MTUS1: variants seen among roughly 807,000 people sequenced by gnomAD.
MTUS1 encodes microtubule-associated tumor suppressor 1.
Under a neutral mutation model 120.8 loss-of-function variants are expected in MTUS1, and 109 were observed. That is an observed-to-expected ratio of 0.90 (90% CI 0.77 to 1.06). The LOEUF (loss-of-function observed/expected upper bound fraction) is 1.06, where lower values mean the gene tolerates loss of function less well. Among genes scored for constraint, MTUS1 ranks in the 50% least tolerant of loss-of-function variants. The pLI is 0.00. For synonymous variants in MTUS1, 737 were observed against 550.5 expected (o/e 1.34, Z -4.74); for missense variants, 2,210 against 1,486.3 (o/e 1.49, Z -8.01).
At chr8:17,649,157 C>T (rs1047935068) in intron 13 of MTUS1, among the ~76,000 whole-genome samples, 1 of 151,852 alleles carries the variant, frequency 6.6e-6, no homozygotes, top group African/African-American at 2.4e-5. Flanking sequence ...GGTGCCATCT[C>T]ACCTCAATGG....
intron 8 of MTUS1, among the ~76,000 whole-genome samples, chr8:17,658,659 A>G (rs1015270588): frequency 1.3e-5 from 2 of 152,322 alleles, no homozygotes; most frequent in South Asian, 2.1e-4. Flanking sequence ...AAGGAATAAC[A>G]TATCAGGAGT....
intron 3 of MTUS1, 163 bp from the exon 4 acceptor site, chr8:17,723,996 G>C (rs561469962): frequency 1.7e-4 from 105 of 617,450 alleles, no homozygotes; most frequent in African/African-American, 1.3e-3. Context: ...GCTTCACGCA[G>C]ACATGTTTAT....
At chr8:17,652,856 T>C (rs897638209) in intron 12 of MTUS1, among the ~76,000 whole-genome samples, 1 of 149,640 alleles carries the variant, frequency 6.7e-6, no homozygotes, top group Non-Finnish European at 1.5e-5. Flanking sequence ...AAAGAAAGAG[T>C]GAACTTTGTA....
chr8:17,742,242 C>T (rs546686660), intron 3 of MTUS1, among the ~76,000 whole-genome samples: 3 of 150,030 alleles, frequency 2.0e-5, no homozygotes, highest in Non-Finnish European at 4.4e-5. Context: ...CCTACAAGGG[C>T]ACACCATCAT....
chr8:17,723,912 A>C (rs1406789117), intron 3 of MTUS1, 79 bp from the exon 4 acceptor site: 1 of 1,150,984 alleles, frequency 8.7e-7, no homozygotes. Context: ...GTAAACTCAA[A>C]CTTCTGCACT....
At chr8:17,717,396 G>T (rs1822548701) in intron 4 of MTUS1, among the ~76,000 whole-genome samples, 1 of 152,146 alleles carries the variant, frequency 6.6e-6, no homozygotes, top group Non-Finnish European at 1.5e-5. Context: ...CATAGAAAAT[G>T]GATATTGGGT....
At position 17,795,706 on chromosome 8, in the gene MTUS1, C is replaced by G. The variant is rs6990748; in HGVS notation, c.-155+5355G>C. On this transcript the variant is annotated intron_variant, in intron 1 of 14. Transcript: ENST00000693296. Reference sequence around the variant, plus strand: ...CCAGGCTAGAGGGCAGTGATGCGATCTCGGCTCACTGCAACCTCCGCCTCC... The same window carrying G: ...CCAGGCTAGAGGGCAGTGATGCGATGTCGGCTCACTGCAACCTCCGCCTCC... Among the ~76,000 whole-genome samples the G allele has an allele frequency of 7.0e-3, 1,071 of 152,320 alleles. 13 individuals are homozygous for G. Among genetic ancestry groups the G allele is most frequent in the African/African-American group, 0.024 (1,014 of 41,560 alleles).
At chr8:17,736,720 G>C (rs933624857) in intron 3 of MTUS1, among the ~76,000 whole-genome samples, 1 of 151,994 alleles carries the variant, frequency 6.6e-6, no homozygotes, top group African/African-American at 2.4e-5. Context: ...AAGTAGCTGA[G>C]ACCACAGGCA....
intron 2 of MTUS1, 48 bp from the exon 3 acceptor site, chr8:17,743,847 C>G (rs2047528138): frequency 6.5e-7 from 1 of 1,533,754 alleles, no homozygotes; most frequent in Admixed American, 1.8e-5. Flanking sequence ...AAATTCTAAG[C>G]CCCCCAACTG....
chr8:17,769,909 CACACACACACACACACA>C (rs1227751165), intron 1 of MTUS1, among the ~76,000 whole-genome samples: 4 of 121,416 alleles, frequency 3.3e-5, no homozygotes, highest in African/African-American at 1.3e-4. Flanking sequence ...CACACACACA[CACACACACACACACACA>C]CGGGGGGGGT....
Position 17,644,204 on chromosome 8 carries a change from A to T in MTUS1, c.*1722T>A, listed in dbSNP as rs1805375390. ...TGAACCTACATTTCCATTTATCAGA[A>T]GCAAACATGGAAGGTTACATACATG... On this transcript the variant is annotated 3_prime_UTR_variant, in exon 15 of 15. Transcript: ENST00000693296. The T allele has an allele frequency of 6.6e-6, 1 of 152,446 alleles. No individual in the cohort carries two copies. The highest frequency in any genetic ancestry group is 1.5e-5 in the Non-Finnish European group (1 of 68,038). The allele number at this position is 152,446 out of a possible 1,614,324, so 9.4% of individuals were successfully genotyped here.
At chr8:17,686,310 A>T (rs1815788532) in intron 6 of MTUS1, among the ~76,000 whole-genome samples, 1 of 152,252 alleles carries the variant, frequency 6.6e-6, no homozygotes, top group Non-Finnish European at 1.5e-5. Flanking sequence ...ACATACATAA[A>T]AATAAATATT....
chr8:17,778,289 A>G (rs1400557252), intron 1 of MTUS1, among the ~76,000 whole-genome samples: 1 of 152,216 alleles, frequency 6.6e-6, no homozygotes, highest in South Asian at 2.1e-4. Flanking sequence ...TCCATACTCT[A>G]TAACTCCATT....
chr8:17,684,540 C>CAAA lies in MTUS1; in HGVS notation c.2625_2626insTTT (p.Val875_Glu876insPhe). Reference sequence around the variant, plus strand: ...CGAGGATTCTTTTGCCTGCTCTTTTCAACTGCAAAACGAATTAACATAGGT... The same window carrying CAAA: ...CGAGGATTCTTTTGCCTGCTCTTTTCAAAAACTGCAAAACGAATTAACATAGGT... On this transcript the variant is annotated inframe_insertion and splice_region_variant, in exon 7 of 15. Coordinates refer to ENST00000693296, the MANE Select transcript of MTUS1 (RefSeq NM_001363059.2). The CAAA allele has an allele frequency of 1.2e-6, 2 of 1,612,762 alleles. No individual in the cohort carries two copies. The highest frequency in any genetic ancestry group is 1.7e-6 in the Non-Finnish European group (2 of 1,179,486).
intron 8 of MTUS1, chr8:17,674,368 C>T (rs112169395): frequency 0.015 from 10,249 of 683,386 alleles, 175 homozygotes; most frequent in African/African-American, 0.075. Flanking sequence ...TGCAGTGAGT[C>T]GAGATCGCAC....
In MTUS1 at chr8:17,645,985, G is replaced by A. The variant is rs749579902; in HGVS notation, c.3754C>T (p.Pro1252Ser). 10 of 1,613,362 alleles carry A rather than the reference G, an allele frequency of 6.2e-6. No individual in the cohort carries two copies. In the East Asian group the frequency reaches 2.2e-4, roughly 36 times the overall value. ...CCCGAATTCCTTGGTGACTGCAAAG[G>A]GATGGCGGAGGATGTGGGGGATCTC... ...PKRSPTSSAI[P>S]LQSPRNSGSF... Residue 1252 changes from proline to serine, a missense_variant, in exon 15 of 15, where the codon CCT (proline) becomes TCT (serine). By Grantham distance (74) the Pro-to-Ser change is moderately conservative (BLOSUM62 -1). Coordinates refer to ENST00000693296, the MANE Select transcript of MTUS1 (RefSeq NM_001363059.2).
chr8:17,767,707 A>AAACAAAAAACAAACAAACAAACAAAC (rs2049655573), intron 1 of MTUS1, among the ~76,000 whole-genome samples: 1 of 144,444 alleles, frequency 6.9e-6, no homozygotes, highest in African/African-American at 2.6e-5. Flanking sequence ...TCTTAAAAAA[A>AAACAAAAAACAAACAAACAAACAAAC]AAAAAAAAAA....
chr8:17,675,961 G>A lies in MTUS1; in HGVS notation c.2839-709C>T, dbSNP rs183680690. On this transcript the variant is annotated intron_variant, in intron 7 of 14. Coordinates refer to ENST00000693296, the MANE Select transcript of MTUS1 (RefSeq NM_001363059.2). ...AATGTTCAAGTTACCAGCAACTCCCGGCAATCACACATACACACATACTTA... is the reference window on the plus strand; with the variant it reads ...AATGTTCAAGTTACCAGCAACTCCCAGCAATCACACATACACACATACTTA... 12 of 256,306 alleles carry A rather than the reference G, an allele frequency of 4.7e-5. No individual in the cohort carries two copies. The East Asian group carries it at 6.3e-4, about 13-fold the overall frequency. 15.9% of individuals were successfully genotyped at this position (256,306 alleles called of 1,614,324 possible). A position where few individuals can be genotyped will look rare whatever the true frequency, so the allele number is the denominator to read the frequency against.
intron 6 of MTUS1, among the ~76,000 whole-genome samples, chr8:17,699,929 C>G (rs766508447): frequency 1.3e-5 from 2 of 151,844 alleles, no homozygotes; most frequent in Non-Finnish European, 2.9e-5. Flanking sequence ...CTGGGGGGAG[C>G]CAAGATAAAA....
Sources: gnomAD v4.1 joint callset for allele counts (sites outside exome capture counted in the v4.1 genomes callset) on GRCh38, gnomAD v4.1.1 for gene constraint, MANE v1.5 for transcripts, NCBI Gene and HGNC (gene_info 2026-07-23, HGNC 2026-07-21) for gene names.